The following B3GALT1 variants were observed in gnomAD, a reference collection of about 807,000 sequenced individuals.
B3GALT1 encodes the protein beta-1,3-galactosyltransferase 1.
B3GALT1 carries 10 observed loss-of-function variants against 23.2 expected under a neutral mutation model. The ratio of observed to expected loss-of-function variants is 0.43; its 90% CI spans 0.27 to 0.73. B3GALT1 has a LOEUF of 0.73. Among genes scored for constraint, B3GALT1 ranks in the 30% least tolerant of loss-of-function variants. The pLI is 0.21. For synonymous variants in B3GALT1, 156 were observed against 141.5 expected (o/e 1.10, Z -0.73); for missense variants, 299 against 405.4 (o/e 0.74, Z 2.25).
chr2:167,293,518 C>G (rs1374415756), intron 1 of B3GALT1, among the ~76,000 whole-genome samples, 184 bp downstream of exon 1: 1 of 152,138 alleles, frequency 6.6e-6, no homozygotes, highest in African/African-American at 2.4e-5. Flanking sequence ...TTCTCCCTTC[C>G]GCGCTCACAG....
intron 2 of B3GALT1, among the ~76,000 whole-genome samples, chr2:167,625,369 A>G (rs1336408068): frequency 6.6e-6 from 1 of 151,906 alleles, no homozygotes; most frequent in Non-Finnish European, 1.5e-5. Context: ...CAGCTTTGTC[A>G]TTCATTTATT....
At chr2:167,842,859 C>T (rs1284446855) in intron 4 of B3GALT1, among the ~76,000 whole-genome samples, 3 of 151,996 alleles carry the variant, frequency 2.0e-5, no homozygotes, top group African/African-American at 7.3e-5. Context: ...CACAACAGAC[C>T]CTGAATCAAT....
At chr2:167,547,110 G>A (rs571412243) in intron 2 of B3GALT1, among the ~76,000 whole-genome samples, 1 of 152,282 alleles carries the variant, frequency 6.6e-6, no homozygotes, top group Non-Finnish European at 1.5e-5. Context: ...CACGTCCTCG[G>A]TCTTCTCAAT....
At chr2:167,616,062 CA>C (rs2105435604) in intron 2 of B3GALT1, among the ~76,000 whole-genome samples, 1 of 129,380 alleles carries the variant, frequency 7.7e-6, no homozygotes, top group South Asian at 2.9e-4. Flanking sequence ...CAGAACAAAA[CA>C]AAAAGCACTT....
chr2:167,502,149 T>C (rs1164526204), intron 2 of B3GALT1, among the ~76,000 whole-genome samples: 1 of 152,178 alleles, frequency 6.6e-6, no homozygotes, highest in Admixed American at 6.5e-5. Context: ...AGGGCAGATA[T>C]GCATTAAACA....
chr2:167,609,897 A>C (rs950806488), intron 2 of B3GALT1, among the ~76,000 whole-genome samples: 1 of 152,152 alleles, frequency 6.6e-6, no homozygotes, highest in Non-Finnish European at 1.5e-5. Flanking sequence ...TGTGGAGCGA[A>C]GGTATTGTGG....
chr2:167,622,524 C>A (rs1243923577), intron 2 of B3GALT1, among the ~76,000 whole-genome samples: 1 of 152,014 alleles, frequency 6.6e-6, no homozygotes, highest in Non-Finnish European at 1.5e-5. Flanking sequence ...GTATCTGCAG[C>A]TTATTGCTTT....
At chr2:167,660,061 C>G (rs1004958021) in intron 3 of B3GALT1, among the ~76,000 whole-genome samples, 5 of 152,042 alleles carry the variant, frequency 3.3e-5, no homozygotes, top group African/African-American at 1.2e-4. Context: ...CCCAACTCCT[C>G]ATAGAAGGTG....
chr2:167,396,344 G>T (rs890283712), intron 1 of B3GALT1, among the ~76,000 whole-genome samples: 2 of 151,906 alleles, frequency 1.3e-5, no homozygotes, highest in Non-Finnish European at 2.9e-5. Flanking sequence ...TTCCTGTTTT[G>T]CTGTCCTCTA....
At chr2:167,638,453 G>A (rs116782397) in intron 2 of B3GALT1, among the ~76,000 whole-genome samples, 3,579 of 152,098 alleles carry the variant, frequency 0.024, 64 homozygotes, top group Middle Eastern at 0.031. Flanking sequence ...GCAGTCTGCC[G>A]TGTTTCATGT....
intron 4 of B3GALT1, among the ~76,000 whole-genome samples, chr2:167,825,283 C>CA (rs71963760): frequency 0.12 from 9,931 of 81,926 alleles, 1,063 homozygotes; most frequent in East Asian, 0.44. Flanking sequence ...GACTCCGTCT[C>CA]AAAAAAAAAA....
intron 3 of B3GALT1, among the ~76,000 whole-genome samples, chr2:167,702,230 C>A (rs1161164243): frequency 6.6e-6 from 1 of 152,156 alleles, no homozygotes; most frequent in Non-Finnish European, 1.5e-5. Flanking sequence ...TCAGCAGCAA[C>A]TCTGTGGAAA....
intron 1 of B3GALT1, among the ~76,000 whole-genome samples, chr2:167,410,562 A>T (rs1474361493): frequency 6.6e-6 from 1 of 151,704 alleles, no homozygotes; most frequent in Non-Finnish European, 1.5e-5. Flanking sequence ...GGAGAGGAAT[A>T]TCACACACTG....
chr2:167,574,164 C>T (rs528258731), intron 2 of B3GALT1, among the ~76,000 whole-genome samples: 26 of 151,718 alleles, frequency 1.7e-4, no homozygotes, highest in Non-Finnish European at 2.1e-4. Flanking sequence ...AAGCTTTGCA[C>T]TTAGTACTAT....
chr2:167,501,277 T>C (rs1008108295), intron 2 of B3GALT1, among the ~76,000 whole-genome samples: 8 of 152,050 alleles, frequency 5.3e-5, no homozygotes, highest in African/African-American at 1.9e-4. Context: ...TTCTTTCTGA[T>C]TGTGTATTAT....
At chr2:167,667,051 G>A (rs1054312847) in intron 3 of B3GALT1, among the ~76,000 whole-genome samples, 3 of 151,840 alleles carry the variant, frequency 2.0e-5, no homozygotes, top group African/African-American at 4.9e-5. Context: ...AGTCTCGATG[G>A]TCTTTACATT....
At chr2:167,655,433 A>G (rs1340792205) in intron 3 of B3GALT1, among the ~76,000 whole-genome samples, 1 of 152,202 alleles carries the variant, frequency 6.6e-6, no homozygotes, top group African/African-American at 2.4e-5. Context: ...AACACTGACT[A>G]AATTTTATCA....
At chr2:167,396,950 A>G (rs1187695094) in intron 1 of B3GALT1, among the ~76,000 whole-genome samples, 1 of 152,106 alleles carries the variant, frequency 6.6e-6, no homozygotes, top group Non-Finnish European at 1.5e-5. Flanking sequence ...GTATTACTAC[A>G]ATTATTTAAG....
chr2:167,693,591 A>T (rs1357521140), intron 3 of B3GALT1, among the ~76,000 whole-genome samples: 1 of 152,110 alleles, frequency 6.6e-6, no homozygotes, highest in East Asian at 1.9e-4. Flanking sequence ...AATAGGAAAA[A>T]AGAAAGAAAA....
Sources: gnomAD v4.1 joint callset for allele counts (sites outside exome capture counted in the v4.1 genomes callset) on GRCh38, gnomAD v4.1.1 for gene constraint, MANE v1.5 for transcripts, NCBI Gene and HGNC (gene_info 2026-07-23, HGNC 2026-07-21) for gene names.